RTTN: variants seen among roughly 807,000 people sequenced by gnomAD.
RTTN encodes rotatin.
RTTN carries 182 observed loss-of-function variants against 269.2 expected under a neutral mutation model. The ratio of observed to expected loss-of-function variants is 0.68; its 90% CI spans 0.60 to 0.76. RTTN has a LOEUF of 0.76. Ranked by LOEUF, RTTN falls within the 30% of genes least tolerant of loss-of-function variation. The pLI, the probability that RTTN is intolerant of heterozygous loss-of-function variation, is 0.00. For synonymous variants in RTTN, 1,006 were observed against 963.5 expected (o/e 1.04, Z -0.82); for missense variants, 2,545 against 2,608.6 (o/e 0.98, Z 0.53).
chr18:70,194,304 A>C (rs563337753), intron 7 of RTTN: 2 of 152,358 alleles, frequency 1.3e-5, no homozygotes, highest in Non-Finnish European at 2.9e-5. Flanking sequence ...AAAAATGAAC[A>C]AGTCAGTGAT....
intron 3 of RTTN, 60 bp from the exon 4 acceptor site, chr18:70,202,043 ACTTT>A (rs2061966654): frequency 7.1e-6 from 7 of 981,098 alleles, no homozygotes; most frequent in Non-Finnish European, 7.8e-6. Flanking sequence ...AGTGAAACTT[ACTTT>A]CTTTAAGTGG....
intron 28 of RTTN, among the ~76,000 whole-genome samples, chr18:70,096,734 C>T (rs149498905): frequency 0.028 from 4,325 of 152,232 alleles, 230 homozygotes; most frequent in African/African-American, 0.098. Context: ...GTCTGTCAAC[C>T]CCTGCTGGGA....
chr18:70,104,960 G>A (rs1343748441), intron 28 of RTTN, among the ~76,000 whole-genome samples: 1 of 152,214 alleles, frequency 6.6e-6, no homozygotes, highest in Non-Finnish European at 1.5e-5. Flanking sequence ...CCCACTTGAG[G>A]AGGCTGTCTG....
At chr18:70,147,540 G>GT (rs1021638697) in intron 17 of RTTN, among the ~76,000 whole-genome samples, 3 of 152,118 alleles carry the variant, frequency 2.0e-5, no homozygotes, top group Admixed American at 2.0e-4. Context: ...GCATGACTGT[G>GT]TATTTATGTA....
rs559136690 is a variant in RTTN, at chr18:70,103,150, C to G, written c.3903+6348G>C. On this transcript the variant is annotated intron_variant, in intron 28 of 48. Transcript: ENST00000640769. ...CCCGTCTGGGAAGTGAGGATCGCCT[C>G]TGCCTGGCCGCCTCGTCTGGGAAGT... Among the ~76,000 whole-genome samples the G allele has an allele frequency of 8.0e-5, 12 of 150,492 alleles. No individual in the cohort carries two copies. The South Asian group carries it at 2.5e-3, about 32-fold the overall frequency.
chr18:70,102,139 T>C (rs552750799), intron 28 of RTTN, among the ~76,000 whole-genome samples: 1 of 152,310 alleles, frequency 6.6e-6, no homozygotes, highest in East Asian at 1.9e-4. Context: ...CCTTGTTAAC[T>C]TTCTGTCTCA....
chr18:70,116,347 T>C (rs763207570), intron 26 of RTTN, among the ~76,000 whole-genome samples: 5 of 152,070 alleles, frequency 3.3e-5, no homozygotes, highest in Non-Finnish European at 5.9e-5. Context: ...AGTATGTGTA[T>C]ACCTAAAAAT....
At chr18:70,004,396 T>A (rs1031355299) in intron 48 of RTTN, among the ~76,000 whole-genome samples, 160 bp from the exon 49 acceptor site, 13 of 152,290 alleles carry the variant, frequency 8.5e-5, no homozygotes, top group Non-Finnish European at 1.5e-4. Context: ...TTGCATTTTT[T>A]AAAAAATAAA....
At chr18:70,005,111 T>C in intron 48 of RTTN, 87 bp downstream of exon 48, 2 of 856,534 alleles carry the variant, frequency 2.3e-6, no homozygotes, top group Non-Finnish European at 3.7e-6. Flanking sequence ...GCCATTTTGC[T>C]GTGGCCTGTC....
intron 28 of RTTN, among the ~76,000 whole-genome samples, chr18:70,097,403 G>T (rs1440047818): frequency 1.3e-5 from 2 of 152,156 alleles, no homozygotes; most frequent in East Asian, 1.9e-4. Flanking sequence ...TTTAAAAGAT[G>T]AATTTAGTCA....
rs547708149 is a variant in RTTN at position 70,031,494 on chromosome 18, T to C, written c.5542-513A>G. On this transcript the variant is annotated intron_variant, in intron 40 of 48. Coordinates refer to ENST00000640769, the MANE Select transcript of RTTN (RefSeq NM_173630.4). ...TGTCATATAACATTTTCTCAAAAAA[T>C]AGTGTGTAACTTTTTTGACTTTCAG... 1.8e-5 allele frequency: 7 copies of C among 396,806 alleles called. No individual in the cohort carries two copies. The East Asian group carries it at 2.1e-4, about 12-fold the overall frequency. 24.6% of individuals were successfully genotyped at this position (396,806 alleles called of 1,614,324 possible).
intron 11 of RTTN, among the ~76,000 whole-genome samples, chr18:70,169,332 A>C (rs2061076109): frequency 6.6e-6 from 1 of 152,162 alleles, no homozygotes; most frequent in Non-Finnish European, 1.5e-5. Context: ...CTTCTTCCCC[A>C]AACCAACTTC....
intron 11 of RTTN, among the ~76,000 whole-genome samples, chr18:70,169,364 C>T (rs1048337117): frequency 5.9e-5 from 9 of 152,136 alleles, no homozygotes; most frequent in Admixed American, 2.0e-4. Context: ...AGCCCTGCAC[C>T]TTGTATATAC....
intron 25 of RTTN, among the ~76,000 whole-genome samples, chr18:70,124,906 TAG>T (rs1456553378): frequency 4.6e-5 from 7 of 151,726 alleles, no homozygotes; most frequent in Admixed American, 1.3e-4. Flanking sequence ...AGGAAAGGAG[TAG>T]AGAGGCATTA....
Position 70,057,768 on chromosome 18 carries a change from G to A in RTTN, c.5005C>T (p.Pro1669Ser). The A allele has an allele frequency of 1.2e-6, 2 of 1,613,810 alleles. No homozygotes were observed. Among genetic ancestry groups the A allele is most frequent in the East Asian group, 2.2e-5 (1 of 44,866 alleles). ...QELRALLPSSPPAEHTQAQVS... is the reference protein window; with the variant it reads ...QELRALLPSSSPAEHTQAQVS... ...TGAGCCTGAGTGTGTTCAGCTGGAG[G>A]TGATGAAGGCAGCAGGGCTCTGAGT... Residue 1669 changes from proline (P) to serine (S), a missense_variant, in exon 37 of 49, where the codon CCT (proline) becomes TCT (serine). Pro to Ser is a moderately conservative substitution (Grantham distance 74). Coordinates refer to ENST00000640769, the MANE Select transcript of RTTN (RefSeq NM_173630.4).
At chr18:70,011,762 T>A (rs200713583) in intron 46 of RTTN, among the ~76,000 whole-genome samples, 1 of 152,102 alleles carries the variant, frequency 6.6e-6, no homozygotes, top group Non-Finnish European at 1.5e-5. Flanking sequence ...GATAAATAAA[T>A]AAGGGTACTA....
At chr18:70,009,607 TACCAGCCACTGCAAAAACATATCA>T (rs1306795155) in intron 46 of RTTN, among the ~76,000 whole-genome samples, 1 of 152,146 alleles carries the variant, frequency 6.6e-6, no homozygotes, top group Non-Finnish European at 1.5e-5. Context: ...GAAAAACCTG[TACCAGCCACTGCAAAAACATATCA>T]AATTGTAAAG....
intron 14 of RTTN, among the ~76,000 whole-genome samples, chr18:70,161,087 A>C (rs1599842380): frequency 6.6e-6 from 1 of 152,240 alleles, no homozygotes; most frequent in Non-Finnish European, 1.5e-5. Flanking sequence ...AGACTGCCTG[A>C]CTTCAAACTA....
At chr18:70,086,471 C>T (rs1460232749) in intron 32 of RTTN, 142 bp downstream of exon 32, 6 of 732,834 alleles carry the variant, frequency 8.2e-6, no homozygotes, top group Non-Finnish European at 1.4e-5. Flanking sequence ...GGCATAAGAA[C>T]AAATTCTACG....
Sources: gnomAD v4.1 joint callset for allele counts (sites outside exome capture counted in the v4.1 genomes callset) on GRCh38, gnomAD v4.1.1 for gene constraint, MANE v1.5 for transcripts, NCBI Gene and HGNC (gene_info 2026-07-23, HGNC 2026-07-21) for gene names.